The following CDH9 variants were observed in gnomAD, a reference collection of about 807,000 sequenced individuals.
CDH9 encodes cadherin 9.
Under a neutral mutation model 70.9 loss-of-function variants are expected in CDH9, and 28 were observed. The observed-to-expected ratio is 0.40, with a 90% CI of 0.29 to 0.54. The LOEUF is 0.54. CDH9 is among the 20% of genes least tolerant of loss of function. The pLI, the probability that CDH9 is intolerant of heterozygous loss-of-function variation, is 0.59. For missense variants in CDH9, 874 were observed against 984.4 expected (o/e 0.89, Z 1.50); for synonymous variants, 409 against 343.1 (o/e 1.19, Z -2.12).
At chr5:26,977,493 A>ATATATATGTATATATATATATATATG (rs1469380532) in intron 2 of CDH9, among the ~76,000 whole-genome samples, 2 of 149,086 alleles carry the variant, frequency 1.3e-5, no homozygotes, top group African/African-American at 5.1e-5. Context: ...GTGTATATAT[A>ATATATATGTATATATATATATATATG]TATATATATA....
chr5:26,902,732 G>A lies in CDH9; in HGVS notation c.1000-3C>T, dbSNP rs1740878768. On this transcript the variant is annotated splice_region_variant and splice_polypyrimidine_tract_variant and intron_variant, in intron 6 of 11. Coordinates refer to ENST00000231021, the MANE Select transcript of CDH9 (RefSeq NM_016279.4). Reference sequence around the variant, plus strand: ...ATTTGATTTTCAAAATCTAAATTCTGGAGTTAAATAACATAAAAGAAATTA... The same window carrying A: ...ATTTGATTTTCAAAATCTAAATTCTAGAGTTAAATAACATAAAAGAAATTA... The A allele has an allele frequency of 1.3e-6, 2 of 1,517,910 alleles. No homozygotes were observed. The highest frequency in any genetic ancestry group is 9.1e-7 in the Non-Finnish European group (1 of 1,096,540). 94.0% of individuals were successfully genotyped at this position (1,517,910 alleles called of 1,614,324 possible).
At chr5:27,001,255 C>T (rs954756954) in intron 1 of CDH9, among the ~76,000 whole-genome samples, 5 of 151,990 alleles carry the variant, frequency 3.3e-5, no homozygotes, top group South Asian at 2.1e-4. Flanking sequence ...AACATGCTGG[C>T]GTAAGTAATT....
intron 2 of CDH9, among the ~76,000 whole-genome samples, chr5:26,987,846 A>C (rs961536216): frequency 6.6e-6 from 1 of 152,082 alleles, no homozygotes; most frequent in Non-Finnish European, 1.5e-5. Flanking sequence ...ATATGATTAA[A>C]TAATATCTAG....
At chr5:26,912,159 A>G (rs905067354) in intron 3 of CDH9, among the ~76,000 whole-genome samples, 2 of 152,114 alleles carry the variant, frequency 1.3e-5, no homozygotes, top group Non-Finnish European at 2.9e-5. Flanking sequence ...ATCTTGTACT[A>G]TCTGAAAATA....
chr5:27,034,754 A>G (rs1743363441), intron 1 of CDH9, among the ~76,000 whole-genome samples: 1 of 151,606 alleles, frequency 6.6e-6, no homozygotes, highest in Non-Finnish European at 1.5e-5. Context: ...GCTTTTGTTC[A>G]GGCACTTTGC....
At chr5:26,910,215 T>A (rs978674624) in intron 3 of CDH9, among the ~76,000 whole-genome samples, 1 of 130,240 alleles carries the variant, frequency 7.7e-6, no homozygotes. Context: ...AGGCCTCGTA[T>A]CTATCATCCA....
At chr5:26,968,986 C>T (rs908740423) in intron 2 of CDH9, among the ~76,000 whole-genome samples, 2 of 152,188 alleles carry the variant, frequency 1.3e-5, no homozygotes, top group Non-Finnish European at 2.9e-5. Flanking sequence ...TAGCTATTAG[C>T]TGACGTTTGC....
At chr5:26,955,471 G>C in intron 2 of CDH9, among the ~76,000 whole-genome samples, 1 of 152,050 alleles carries the variant, frequency 6.6e-6, no homozygotes, top group East Asian at 1.9e-4. Flanking sequence ...AGTTTTTTGG[G>C]GCTGCCTGAA....
At chr5:26,954,901 C>T (rs1741918537) in intron 2 of CDH9, among the ~76,000 whole-genome samples, 1 of 152,084 alleles carries the variant, frequency 6.6e-6, no homozygotes, top group Non-Finnish European at 1.5e-5. Context: ...GGTGTGGTGG[C>T]TTATACCTGT....
intron 2 of CDH9, among the ~76,000 whole-genome samples, chr5:26,963,273 C>T (rs910421495): frequency 2.6e-5 from 4 of 152,002 alleles, no homozygotes; most frequent in African/African-American, 9.7e-5. Flanking sequence ...AATGTACCTC[C>T]TAGAAGGATA....
intron 2 of CDH9, among the ~76,000 whole-genome samples, chr5:26,952,795 T>C (rs377447158): frequency 1.3e-5 from 2 of 150,562 alleles, no homozygotes; most frequent in African/African-American, 4.9e-5. Flanking sequence ...ATGGGATTGA[T>C]ACTGGAGGCT....
Position 26,901,676 on chromosome 5 carries a change from G to A in CDH9, c.1253+800C>T, listed in dbSNP as rs189274750. ...TGTCTATCTCTTCAGCTGTCTATAT[G>A]TTCCTCCACACATCCACCTATCATT... On this transcript the variant is annotated intron_variant, in intron 7 of 11. Transcript: ENST00000231021. Among the ~76,000 whole-genome samples, 618 of 151,730 alleles carry A rather than the reference G, an allele frequency of 4.1e-3. 5 individuals are homozygous for A. The highest frequency in any genetic ancestry group is 0.014 in the African/African-American group (588 of 41,450).
chr5:26,889,697 C>A, intron 9 of CDH9, 139 bp downstream of exon 9: 1 of 533,580 alleles, frequency 1.9e-6, no homozygotes, highest in Non-Finnish European at 3.3e-6. Flanking sequence ...ACTGTGAGTT[C>A]TTTGTTAAGG....
At chr5:26,936,819 A>G (rs1741566631) in intron 2 of CDH9, among the ~76,000 whole-genome samples, 1 of 151,916 alleles carries the variant, frequency 6.6e-6, no homozygotes, top group South Asian at 2.1e-4. Flanking sequence ...GGGCATCTGC[A>G]TTGAAAAATT....
intron 1 of CDH9, among the ~76,000 whole-genome samples, chr5:26,994,218 T>A (rs1742628416): frequency 6.6e-6 from 1 of 152,194 alleles, no homozygotes; most frequent in Non-Finnish European, 1.5e-5. Context: ...TTAGATGAGA[T>A]TTTGAACTTC....
chr5:27,031,158 A>G (rs1052995729), intron 1 of CDH9, among the ~76,000 whole-genome samples: 1 of 151,844 alleles, frequency 6.6e-6, no homozygotes, highest in Non-Finnish European at 1.5e-5. Flanking sequence ...CATAATTAGA[A>G]TTGGATAAAT....
At chr5:27,020,233 A>T (rs1331948539) in intron 1 of CDH9, among the ~76,000 whole-genome samples, 1 of 151,792 alleles carries the variant, frequency 6.6e-6, no homozygotes, top group African/African-American at 2.4e-5. Context: ...ATTATTTAAA[A>T]TGGTTGTTTG....
At chr5:26,956,007 G>C (rs1741940221) in intron 2 of CDH9, among the ~76,000 whole-genome samples, 1 of 152,272 alleles carries the variant, frequency 6.6e-6, no homozygotes, top group South Asian at 2.1e-4. Context: ...CATTTTAACA[G>C]TATTAAGACA....
chr5:26,979,597 G>A (rs377504974), intron 2 of CDH9, among the ~76,000 whole-genome samples: 28 of 151,826 alleles, frequency 1.8e-4, no homozygotes, highest in South Asian at 4.2e-4. Context: ...GTCAGATTGC[G>A]TAAAAAGAAT....
Sources: gnomAD v4.1 joint callset for allele counts (sites outside exome capture counted in the v4.1 genomes callset) on GRCh38, gnomAD v4.1.1 for gene constraint, MANE v1.5 for transcripts, NCBI Gene and HGNC (gene_info 2026-07-23, HGNC 2026-07-21) for gene names.